Variants in STX3 observed in about 807,000 individuals in gnomAD.
STX3 encodes syntaxin-3.
In STX3, 19 loss-of-function variants were observed where a neutral mutation model predicts 40.2. That is an observed-to-expected ratio of 0.47 (90% confidence interval 0.33 to 0.69). The LOEUF is 0.69. Ranked by LOEUF, STX3 falls within the 30% of genes least tolerant of loss-of-function variation. The pLI is 0.02. For synonymous variants in STX3, 122 were observed against 132.2 expected (o/e 0.92, Z 0.53); for missense variants, 364 against 366.7 (o/e 0.99, Z 0.06).
intron 9 of STX3, among the ~76,000 whole-genome samples, chr11:59,796,954 A>G (rs1865552871): frequency 6.6e-6 from 1 of 152,174 alleles, no homozygotes; most frequent in Admixed American, 6.5e-5. Flanking sequence ...CTACAAAAAT[A>G]AAGAAAATGA....
chr11:59,777,862 T>G (rs867996796), intron 2 of STX3, among the ~76,000 whole-genome samples: 9 of 152,236 alleles, frequency 5.9e-5, no homozygotes, highest in African/African-American at 2.2e-4. Flanking sequence ...TCCGGATTAC[T>G]TCTGCTCTAC....
intron 1 of STX3, among the ~76,000 whole-genome samples, chr11:59,756,126 A>T (rs963021879): frequency 1.3e-5 from 2 of 151,644 alleles, no homozygotes; most frequent in African/African-American, 4.9e-5. Context: ...GCTCCTCTCC[A>T]ACCGGTGGTC....
At position 59,801,219 on chromosome 11, in the gene STX3, G is replaced by T; in HGVS notation, c.*395G>T. The stretch of plus-strand genomic sequence containing the variant: ...CTCATGGAGTATTCTCCCAGAAACT[G>T]CAATGTATTTTTTTAGGGGAGTATC... On this transcript the variant is annotated 3_prime_UTR_variant, in exon 11 of 11. Transcript: ENST00000337979. 1 of 1,099,728 alleles carries T rather than the reference G, an allele frequency of 9.1e-7. No individual in the cohort carries two copies. Among genetic ancestry groups the T allele is most frequent in the East Asian group, 5.6e-5 (1 of 17,884 alleles). The allele number at this position is 1,099,728 out of a possible 1,614,324, so 68.1% of individuals were successfully genotyped here.
Position 59,803,409 on chromosome 11 carries a change from G to C in STX3, c.*2585G>C, listed in dbSNP as rs981624576. On this transcript the variant is annotated 3_prime_UTR_variant, in exon 11 of 11. Coordinates refer to ENST00000337979, the MANE Select transcript of STX3 (RefSeq NM_004177.5). ...TGGGTGGGATTAGGTGCTAATAATGGTTAGAGAAAACTAAAGAAAGGGATG... is the reference window on the plus strand; with the variant it reads ...TGGGTGGGATTAGGTGCTAATAATGCTTAGAGAAAACTAAAGAAAGGGATG... 1 of 598,862 alleles carries C rather than the reference G, an allele frequency of 1.7e-6. No homozygotes were observed. Among genetic ancestry groups the C allele is most frequent in the African/African-American group, 1.9e-5 (1 of 52,076 alleles). 37.1% of individuals were successfully genotyped at this position (598,862 alleles called of 1,614,324 possible). A position where few individuals can be genotyped will look rare whatever the true frequency, so the allele number is the denominator to read the frequency against.
Position 59,795,361 on chromosome 11 carries a change from G to T in STX3, c.676-11G>T, listed in dbSNP as rs770570343. ...CGTTTACTTGGTGTGATCAGAGTCT[G>T]TTCTTTGCAGGGTGAGATGTTAGAT... On this transcript the variant is annotated splice_polypyrimidine_tract_variant and intron_variant, in intron 8 of 10. Coordinates refer to ENST00000337979, the MANE Select transcript of STX3 (RefSeq NM_004177.5). 7.4e-5 allele frequency: 119 copies of T among 1,608,488 alleles called. 1 individual carries two copies. In the South Asian group the frequency reaches 1.3e-3, roughly 17 times the overall value.
chr11:59,773,395 G>A (rs1287486173), intron 2 of STX3, 101 bp downstream of exon 2: 1 of 1,243,724 alleles, frequency 8.0e-7, no homozygotes, highest in African/African-American at 1.5e-5. Context: ...GCAGAGGAAG[G>A]TCACAGTTTT....
intron 1 of STX3, among the ~76,000 whole-genome samples, chr11:59,772,843 C>G (rs1863729527): frequency 6.6e-6 from 1 of 152,200 alleles, no homozygotes; most frequent in Non-Finnish European, 1.5e-5. Context: ...TTCATTATCT[C>G]TTTTATACCT....
chr11:59,775,462 A>G (rs1863913416), intron 2 of STX3, among the ~76,000 whole-genome samples: 1 of 152,256 alleles, frequency 6.6e-6, no homozygotes, highest in South Asian at 2.1e-4. Flanking sequence ...ATCTTTTCCA[A>G]TAACTGTGTT....
At chr11:59,788,816 C>A in intron 3 of STX3, 57 bp from the exon 4 acceptor site, 1 of 1,465,124 alleles carries the variant, frequency 6.8e-7, no homozygotes, top group South Asian at 1.2e-5. Flanking sequence ...TGCTGTAGTT[C>A]ACAAAGGAAT....
chr11:59,761,027 C>T (rs532699310), intron 1 of STX3, among the ~76,000 whole-genome samples: 1 of 152,292 alleles, frequency 6.6e-6, no homozygotes, highest in Admixed American at 6.5e-5. Context: ...TTTTCTTGCT[C>T]CATTCCCTGT....
intron 1 of STX3, among the ~76,000 whole-genome samples, chr11:59,764,254 T>C (rs17154126): frequency 0.056 from 8,555 of 152,268 alleles, 346 homozygotes; most frequent in East Asian, 0.14. Flanking sequence ...CCAGAAACTC[T>C]TAGCAAAAAC....
At chr11:59,784,102 G>A (rs1864602876) in intron 2 of STX3, among the ~76,000 whole-genome samples, 1 of 152,150 alleles carries the variant, frequency 6.6e-6, no homozygotes, top group Non-Finnish European at 1.5e-5. Context: ...GTGACACTGA[G>A]CCTGAGGCCT....
Position 59,802,788 on chromosome 11 carries a change from G to C in STX3, c.*1964G>C. On this transcript the variant is annotated 3_prime_UTR_variant, in exon 11 of 11. Transcript: ENST00000337979. ...ATTTTTATTCAGGTTTTAGAATGCA[G>C]TTCACACCTTTTTAAGCCATGTGCT... The C allele has an allele frequency of 4.1e-6, 4 of 986,920 alleles. No individual in the cohort carries two copies. Among genetic ancestry groups the C allele is most frequent in the Non-Finnish European group, 4.8e-6 (4 of 830,962 alleles). 61.1% of individuals were successfully genotyped at this position (986,920 alleles called of 1,614,324 possible).
intron 10 of STX3, chr11:59,800,571 A>G (rs762902964): frequency 1.0e-6 from 1 of 985,382 alleles, no homozygotes; most frequent in Non-Finnish European, 1.2e-6. Context: ...AGGTGTTTTC[A>G]CTAGGGATTG....
chr11:59,790,479 C>A, intron 4 of STX3, 40 bp from the exon 5 acceptor site: 1 of 1,466,768 alleles, frequency 6.8e-7, no homozygotes, highest in Non-Finnish European at 9.6e-7. Flanking sequence ...TTCTTGGAGG[C>A]GGAGATAGGT....
At chr11:59,792,637 T>C (rs1865262215) in intron 6 of STX3, among the ~76,000 whole-genome samples, 2 of 152,124 alleles carry the variant, frequency 1.3e-5, no homozygotes, top group Non-Finnish European at 2.9e-5. Flanking sequence ...AATGTAGTAA[T>C]GTGGAAGGCA....
intron 4 of STX3, among the ~76,000 whole-genome samples, chr11:59,790,141 T>G (rs1865033545): frequency 6.6e-6 from 1 of 152,250 alleles, no homozygotes; most frequent in Non-Finnish European, 1.5e-5. Flanking sequence ...ACTTTATGTG[T>G]CTTCTCATTT....
In STX3 at chr11:59,755,545, G is replaced by T; in HGVS notation, c.-61G>T. On this transcript the variant is annotated 5_prime_UTR_variant, in exon 1 of 11. Coordinates refer to ENST00000337979, the MANE Select transcript of STX3 (RefSeq NM_004177.5). Reference sequence around the variant, plus strand: ...GCTTCCGGCAGCTCACCTGGGAAGCGCTCACCTGGGACGCGCTCACCTGGG... The same window carrying T: ...GCTTCCGGCAGCTCACCTGGGAAGCTCTCACCTGGGACGCGCTCACCTGGG... 6.4e-7 allele frequency: 1 copy of T among 1,564,474 alleles called. No individual in the cohort carries two copies. Among genetic ancestry groups the T allele is most frequent in the Admixed American group, 1.7e-5 (1 of 57,694 alleles).
At chr11:59,781,597 C>G (rs1864385956) in intron 2 of STX3, 1 of 1,613,858 alleles carries the variant, frequency 6.2e-7, no homozygotes, top group Non-Finnish European at 8.5e-7. Context: ...ATGATACAAT[C>G]TGGCTTGGCC....
Sources: gnomAD v4.1 joint callset for allele counts (sites outside exome capture counted in the v4.1 genomes callset) on GRCh38, gnomAD v4.1.1 for gene constraint, MANE v1.5 for transcripts, NCBI Gene and HGNC (gene_info 2026-07-23, HGNC 2026-07-21) for gene names.